The following SRC variants were observed in gnomAD, a reference collection of about 807,000 sequenced individuals.
SRC encodes proto-oncogene tyrosine-protein kinase Src.
A neutral mutation model predicts 62.9 loss-of-function variants in SRC; 13 were observed. That is an observed-to-expected ratio of 0.21 (90% CI 0.13 to 0.33). The LOEUF (loss-of-function observed/expected upper bound fraction) is 0.33. Among genes scored for constraint, SRC ranks in the 10% least tolerant of loss-of-function variants. The pLI, the probability that SRC is intolerant of heterozygous loss-of-function variation, is 1.00. For missense variants in SRC, 457 were observed against 737.3 expected (o/e 0.62, Z 4.40); for synonymous variants, 302 against 317.5 (o/e 0.95, Z 0.52).
chr20:37,356,214 A>C (rs1018592204), intron 1 of SRC, among the ~76,000 whole-genome samples: 2 of 152,054 alleles, frequency 1.3e-5, no homozygotes, highest in African/African-American at 4.8e-5. Flanking sequence ...GGGGAGATAG[A>C]GCTTGACAAA....
chr20:37,361,604 G>A (rs967074448), intron 1 of SRC, among the ~76,000 whole-genome samples: 2 of 152,232 alleles, frequency 1.3e-5, no homozygotes, highest in Non-Finnish European at 2.9e-5. Context: ...GGTGCCATGG[G>A]CAGGGGCCGG....
At position 37,397,899 on chromosome 20, in the gene SRC, C is replaced by A; in HGVS notation, c.859+45C>A. ...CTCGGGAGAGGCATCCACCCCCCAC[C>A]CCGTGTGGCAGCTCCGGGCTCCCTT... is the stretch of plus-strand genomic sequence containing the variant. On this transcript the variant is annotated intron_variant, in intron 9 of 13. Coordinates refer to ENST00000373578, the MANE Select transcript of SRC (RefSeq NM_198291.3). The surrounding 1 kb of genome is among the most constrained non-coding windows in gnomAD (Gnocchi z 4.1). The A allele has an allele frequency of 6.4e-7, 1 of 1,571,794 alleles. No homozygotes were observed. The highest frequency in any genetic ancestry group is 8.6e-7 in the Non-Finnish European group (1 of 1,161,584).
At chr20:37,353,288 C>T (rs141930389) in intron 1 of SRC, among the ~76,000 whole-genome samples, 3 of 152,140 alleles carry the variant, frequency 2.0e-5, no homozygotes, top group East Asian at 3.9e-4. Context: ...CCACTGAGCC[C>T]GTCTCCTCAG....
At chr20:37,349,343 TG>T (rs2069767897) in intron 1 of SRC, among the ~76,000 whole-genome samples, 1 of 151,974 alleles carries the variant, frequency 6.6e-6, no homozygotes, top group Non-Finnish European at 1.5e-5. Flanking sequence ...GGCTGGAAGC[TG>T]GGAGTGAGGT....
intron 2 of SRC, among the ~76,000 whole-genome samples, chr20:37,369,731 C>T (rs1259469394): frequency 2.0e-5 from 3 of 151,672 alleles, no homozygotes; most frequent in Non-Finnish European, 4.4e-5. Context: ...GGGGATGGCA[C>T]GCAGTCTTTT....
Position 37,384,089 on chromosome 20 carries a change from A to G in SRC, c.-4-61A>G. The stretch of plus-strand genomic sequence containing the variant: ...CCTATCTGTGGAATGGGTGGGAGGG[A>G]GGCCGGCCAAGGGGCCCCGGCAGCC... On this transcript the variant is annotated intron_variant, in intron 3 of 13. Coordinates refer to ENST00000373578, the MANE Select transcript of SRC (RefSeq NM_198291.3). The surrounding 1 kb of genome is among the most constrained non-coding windows in gnomAD (Gnocchi z 6.7). 1 of 1,577,882 alleles carries G rather than the reference A, an allele frequency of 6.3e-7. No homozygotes were observed. Among genetic ancestry groups the G allele is most frequent in the South Asian group, 1.1e-5 (1 of 89,818 alleles).
intron 1 of SRC, among the ~76,000 whole-genome samples, chr20:37,364,138 C>T (rs1342906816): frequency 6.6e-6 from 1 of 152,132 alleles, no homozygotes; most frequent in Non-Finnish European, 1.5e-5. Context: ...CACCCTGGGC[C>T]CTTCTGAGAG....
chr20:37,401,556 G>C, intron 10 of SRC, 46 bp from the exon 11 acceptor site: 1 of 1,496,390 alleles, frequency 6.7e-7, no homozygotes, highest in Non-Finnish European at 9.2e-7. Flanking sequence ...CTGCATCCTG[G>C]CAGAGGGACA....
intron 1 of SRC, among the ~76,000 whole-genome samples, chr20:37,357,028 G>C (rs965729730): frequency 6.6e-6 from 1 of 152,216 alleles, no homozygotes; most frequent in East Asian, 1.9e-4. Flanking sequence ...CGCCTCGTGG[G>C]TCTGTGTCTA....
intron 2 of SRC, among the ~76,000 whole-genome samples, chr20:37,374,597 C>CA (rs1014020578): frequency 8.3e-5 from 8 of 96,844 alleles, no homozygotes; most frequent in Admixed American, 5.5e-4. Flanking sequence ...TTTTTTGAGA[C>CA]AGAGTCTTGC....
At chr20:37,379,942 TAAAAAAAAAA>T (rs57772720) in intron 2 of SRC, among the ~76,000 whole-genome samples, 3 of 51,460 alleles carry the variant, frequency 5.8e-5, no homozygotes, top group East Asian at 6.5e-4. Context: ...GAGCTTGGAG[TAAAAAAAAAA>T]AAAAAAAAAA....
chr20:37,378,619 T>G (rs980806828), intron 2 of SRC, among the ~76,000 whole-genome samples: 1 of 152,204 alleles, frequency 6.6e-6, no homozygotes, highest in Non-Finnish European at 1.5e-5. Context: ...ATGGCTGCAC[T>G]GCTGTCCACT....
In SRC at chr20:37,403,667, G is replaced by A; in HGVS notation, c.*288G>A. 2.1e-6 allele frequency: 1 copy of A among 472,302 alleles called. No homozygotes were observed. The highest frequency in any genetic ancestry group is 3.3e-5 in the East Asian group (1 of 30,226). 29.3% of individuals were successfully genotyped at this position (472,302 alleles called of 1,614,324 possible). A position where few individuals can be genotyped will look rare whatever the true frequency, so the allele number is the denominator to read the frequency against. On this transcript the variant is annotated 3_prime_UTR_variant, in exon 14 of 14. Transcript: ENST00000373578. The surrounding 1 kb of genome is among the most constrained non-coding windows in gnomAD (Gnocchi z 7.1). ...TGGAGCTCTGTGGGTCTCTGGAAGA[G>A]GAACCAGGAGAAGGGCTGGGGCCGG...
At chr20:37,367,300 G>C (rs1467451461) in intron 2 of SRC, among the ~76,000 whole-genome samples, 2 of 149,078 alleles carry the variant, frequency 1.3e-5, no homozygotes, top group African/African-American at 5.0e-5. Context: ...GGCTGGTCTC[G>C]AACTCCTGGG....
rs77227278 is a variant in SRC at position 37,403,158 on chromosome 20, G to A, written c.1403-13G>A. 23 of 1,526,770 alleles carry A rather than the reference G, an allele frequency of 1.5e-5. No individual in the cohort carries two copies. Among genetic ancestry groups the A allele is most frequent in the East Asian group, 1.2e-4 (5 of 40,806 alleles). The allele number at this position is 1,526,770 out of a possible 1,614,324, so 94.6% of individuals were successfully genotyped here. ...ACCGGAGCCGGGCTCCCCATGCCTC[G>A]CTCTGCCCACAGGGATGGTGAACCG... On this transcript the variant is annotated splice_polypyrimidine_tract_variant and intron_variant, in intron 13 of 13. Coordinates refer to ENST00000373578, the MANE Select transcript of SRC (RefSeq NM_198291.3). This position sits in a 1 kb window ranked among gnomAD's most constrained non-coding sequence, Gnocchi z 7.1.
chr20:37,400,470 CA>C (rs2070721356), intron 10 of SRC, among the ~76,000 whole-genome samples, 176 bp downstream of exon 10: 1 of 152,152 alleles, frequency 6.6e-6, no homozygotes, highest in Non-Finnish European at 1.5e-5. Flanking sequence ...ACTTCAGCCT[CA>C]ACCTTCCAGG....
chr20:37,356,672 G>A (rs2069886640), intron 1 of SRC, among the ~76,000 whole-genome samples: 1 of 152,198 alleles, frequency 6.6e-6, no homozygotes, highest in South Asian at 2.1e-4. Flanking sequence ...GGGCTCTGGG[G>A]TTAGGGCCCG....
intron 1 of SRC, among the ~76,000 whole-genome samples, chr20:37,355,682 A>T (rs2069871921): frequency 6.6e-6 from 1 of 152,212 alleles, no homozygotes; most frequent in Non-Finnish European, 1.5e-5. Context: ...GCAACCCAGC[A>T]CAATGCCAGG....
rs1353782478 is a variant in SRC at position 37,402,905 on chromosome 20, T to C, written c.1402+25T>C. On this transcript the variant is annotated intron_variant, in intron 13 of 13. Transcript: ENST00000373578. The surrounding 1 kb of genome is among the most constrained non-coding windows in gnomAD (Gnocchi z 6.2). ...GGTAAGAAGGTCCTCATGGCCTGTC[T>C]GTGGTCCCTGAATCCCTCTGCCCTG... 1.2e-6 allele frequency: 2 copies of C among 1,606,408 alleles called. No individual in the cohort carries two copies. Among genetic ancestry groups the C allele is most frequent in the Admixed American group, 1.7e-5 (1 of 59,100 alleles).
Sources: allele counts gnomAD v4.1 joint callset (sites outside exome capture counted in the v4.1 genomes callset), GRCh38; gene constraint gnomAD v4.1.1; non-coding constraint Gnocchi (gnomAD v3.1); transcripts MANE v1.5; gene names NCBI Gene and HGNC (gene_info 2026-07-23, HGNC 2026-07-21).